Variants in TLK2 observed in about 807,000 individuals in gnomAD.
TLK2 encodes serine/threonine-protein kinase tousled-like 2.
Under a neutral mutation model 117.3 loss-of-function variants are expected in TLK2, and 6 were observed. The observed-to-expected ratio is 0.05, with a 90% CI of 0.03 to 0.10. The LOEUF is 0.10. Among genes scored for constraint, TLK2 ranks in the 10% least tolerant of loss-of-function variants. The probability of loss-of-function intolerance (pLI) is 1.00; values close to 1 mark genes in which losing one functional copy is unlikely to be tolerated. For missense variants in TLK2, 299 were observed against 901.2 expected (o/e 0.33, Z 8.56); for synonymous variants, 257 against 316.7 (o/e 0.81, Z 2.00).
intron 2 of TLK2, among the ~76,000 whole-genome samples, chr17:62,492,784 G>A (rs760870114): frequency 2.6e-5 from 4 of 151,816 alleles, no homozygotes; most frequent in East Asian, 1.9e-4. Flanking sequence ...TTCCCAAATC[G>A]TAACTCCATG....
At chr17:62,478,308 G>T (rs1295204747), upstream of TLK2, among the ~76,000 whole-genome samples, 2 of 151,432 alleles carry the variant, frequency 1.3e-5, no homozygotes, top group Non-Finnish European at 3.0e-5. Flanking sequence ...ACCCAAACTC[G>T]CGGAGCCGAG....
At chr17:62,591,148 C>G (rs2082050836) in intron 16 of TLK2, among the ~76,000 whole-genome samples, 1 of 152,080 alleles carries the variant, frequency 6.6e-6, no homozygotes, top group Admixed American at 6.6e-5. Context: ...ACTTGGGAGG[C>G]TGAGGCAGAA....
At chr17:62,482,092 G>T (rs1287437789) in intron 2 of TLK2, among the ~76,000 whole-genome samples, 1 of 151,288 alleles carries the variant, frequency 6.6e-6, no homozygotes, top group Non-Finnish European at 1.5e-5. Flanking sequence ...GGGATTACAG[G>T]TGCCCGCCAC....
intron 11 of TLK2, chr17:62,572,830 C>G (rs2080418972): frequency 6.5e-6 from 1 of 154,142 alleles, no homozygotes; most frequent in Non-Finnish European, 1.4e-5. Flanking sequence ...TAAAATAGAA[C>G]TTGGAACTTT....
At position 62,569,735 on chromosome 17, in the gene TLK2, T is replaced by A. The variant is rs554243532; in HGVS notation, c.969-3480T>A. Among the ~76,000 whole-genome samples the A allele has an allele frequency of 6.7e-4, 102 of 152,250 alleles. 1 individual carries two copies. Among genetic ancestry groups the A allele is most frequent in the African/African-American group, 2.4e-3 (98 of 41,564 alleles). ...AGCCACCGCGCCCGGCCACATTTTT[T>A]AAAATACCTTTACTACTAGTTACTT... On this transcript the variant is annotated intron_variant, in intron 11 of 21. Transcript: ENST00000346027.
chr17:62,504,050 T>A (rs2074453585), intron 2 of TLK2, among the ~76,000 whole-genome samples: 1 of 152,210 alleles, frequency 6.6e-6, no homozygotes, highest in Non-Finnish European at 1.5e-5. Context: ...ATCTTAAATA[T>A]TGTGACTTGT....
intron 6 of TLK2, among the ~76,000 whole-genome samples, chr17:62,534,755 A>T (rs999926009): frequency 6.6e-6 from 1 of 151,874 alleles, no homozygotes; most frequent in Non-Finnish European, 1.5e-5. Flanking sequence ...TAATATGAGA[A>T]TGTGTTACTT....
intron 2 of TLK2, among the ~76,000 whole-genome samples, chr17:62,509,826 G>T (rs2075003321): frequency 6.6e-6 from 1 of 152,148 alleles, no homozygotes; most frequent in South Asian, 2.1e-4. Context: ...CTTCTACTTT[G>T]TGAGGATGTA....
chr17:62,578,367 ACCTTCCTTTAG>A, intron 13 of TLK2, 99 bp from the exon 14 acceptor site: 1 of 783,882 alleles, frequency 1.3e-6, no homozygotes, highest in South Asian at 1.6e-5. Context: ...AATGCAAAGC[ACCTTCCTTTAG>A]CCTTTCATAA....
intron 20 of TLK2, 136 bp from the exon 21 acceptor site, chr17:62,607,904 AG>A: frequency 1.5e-6 from 1 of 676,348 alleles, no homozygotes; most frequent in Non-Finnish European, 2.5e-6. Context: ...AGAGAACTAG[AG>A]GGGATTGTCT....
chr17:62,555,886 A>T (rs984593503), intron 9 of TLK2, among the ~76,000 whole-genome samples: 46 of 152,148 alleles, frequency 3.0e-4, no homozygotes, highest in African/African-American at 1.1e-3. Flanking sequence ...TCCCCGCCTG[A>T]TGTGATCCTC....
At chr17:62,580,069 A>G in intron 14 of TLK2, 42 bp from the exon 15 acceptor site, 3 of 1,542,284 alleles carry the variant, frequency 1.9e-6, no homozygotes, top group Non-Finnish European at 1.8e-6. Context: ...GGAAGACTGT[A>G]GTCCATGATC....
chr17:62,606,081 A>ATGT, intron 19 of TLK2, 49 bp from the exon 20 acceptor site: 1 of 854,766 alleles, frequency 1.2e-6, no homozygotes, highest in Non-Finnish European at 1.8e-6. Context: ...ACATGTCTTA[A>ATGT]ACTTATATGA....
At chr17:62,502,504 G>A (rs1351091223) in intron 2 of TLK2, among the ~76,000 whole-genome samples, 3 of 152,068 alleles carry the variant, frequency 2.0e-5, no homozygotes, top group South Asian at 2.1e-4. Context: ...AATTGTTTTC[G>A]CAACCTCTAT....
Position 62,499,299 on chromosome 17 carries a change from A to C in TLK2, c.81+18093A>C, listed in dbSNP as rs574158956. On this transcript the variant is annotated intron_variant, in intron 2 of 21. Coordinates refer to ENST00000346027, the MANE Select transcript of TLK2 (RefSeq NM_006852.6). ...CAGTGAGCCGAGATTGAGCTTCTACATTCCAGCCTGGGTGACAGAGTAAGA... is the reference window on the plus strand; with the variant it reads ...CAGTGAGCCGAGATTGAGCTTCTACCTTCCAGCCTGGGTGACAGAGTAAGA... Among the ~76,000 whole-genome samples, 455 of 151,464 alleles carry C rather than the reference A, an allele frequency of 3.0e-3. 3 individuals are homozygous for C. Among genetic ancestry groups the C allele is most frequent in the African/African-American group, 0.011 (435 of 41,300 alleles).
At chr17:62,554,733 T>G (rs2078719530) in intron 9 of TLK2, among the ~76,000 whole-genome samples, 1 of 151,966 alleles carries the variant, frequency 6.6e-6, no homozygotes, top group South Asian at 2.1e-4. Context: ...AATACAAAAT[T>G]TGCCAGGCAT....
intron 2 of TLK2, among the ~76,000 whole-genome samples, chr17:62,515,655 T>G (rs2145382918): frequency 6.6e-6 from 1 of 152,284 alleles, no homozygotes; most frequent in African/African-American, 2.4e-5. Flanking sequence ...TCAAGTCCTT[T>G]GCCCATTTTT....
At chr17:62,584,154 G>A (rs917228647) in intron 15 of TLK2, among the ~76,000 whole-genome samples, 6 of 111,408 alleles carry the variant, frequency 5.4e-5, no homozygotes, top group Admixed American at 1.4e-4. Flanking sequence ...TCGCTCTGTC[G>A]CCCAGGCTGG....
At chr17:62,608,656 T>A (rs1435246440) in intron 21 of TLK2, among the ~76,000 whole-genome samples, 3 of 152,170 alleles carry the variant, frequency 2.0e-5, no homozygotes, top group African/African-American at 7.2e-5. Flanking sequence ...TGGGGAGACC[T>A]TAGGAAACTT....
Sources: allele counts gnomAD v4.1 joint callset (sites outside exome capture counted in the v4.1 genomes callset), GRCh38; gene constraint gnomAD v4.1.1; transcripts MANE v1.5; gene names NCBI Gene and HGNC (gene_info 2026-07-23, HGNC 2026-07-21).